TAFA1: variants seen among roughly 807,000 people sequenced by gnomAD.
TAFA1 encodes the protein TAFA chemokine like family member 1, also known as chemokine-like protein TAFA-1.
TAFA1 carries 4 observed loss-of-function variants against 18.5 expected under a neutral mutation model. That is an observed-to-expected ratio of 0.22 (90% confidence interval 0.11 to 0.49). The LOEUF (loss-of-function observed/expected upper bound fraction) is 0.49. TAFA1 is among the 20% of genes least tolerant of loss of function. The pLI, the probability that TAFA1 is intolerant of heterozygous loss-of-function variation, is 0.98. For synonymous variants in TAFA1, 56 were observed against 55.2 expected (o/e 1.01, Z -0.06); for missense variants, 147 against 169.0 (o/e 0.87, Z 0.72).
At chr3:68,133,090 A>T (rs1446277639) in intron 2 of TAFA1, among the ~76,000 whole-genome samples, 1 of 152,186 alleles carries the variant, frequency 6.6e-6, no homozygotes, top group Non-Finnish European at 1.5e-5. Flanking sequence ...GCATATGGCT[A>T]GCCACTTTTC....
chr3:68,032,292 A>T (rs1242783571), intron 2 of TAFA1, among the ~76,000 whole-genome samples: 1 of 152,188 alleles, frequency 6.6e-6, no homozygotes, highest in Non-Finnish European at 1.5e-5. Flanking sequence ...TGTGAAAGAA[A>T]TGTACTAAAA....
chr3:68,091,451 A>G (rs1010266199), intron 2 of TAFA1, among the ~76,000 whole-genome samples: 1 of 152,160 alleles, frequency 6.6e-6, no homozygotes, highest in African/African-American at 2.4e-5. Flanking sequence ...AATTATCAGT[A>G]TCTGACTTGA....
intron 2 of TAFA1, among the ~76,000 whole-genome samples, chr3:68,235,729 C>T (rs952741686): frequency 6.6e-6 from 1 of 152,018 alleles, no homozygotes; most frequent in African/African-American, 2.4e-5. Context: ...AGACCTGGAA[C>T]CTTGGTACAT....
At chr3:68,068,572 A>C (rs35196748) in intron 2 of TAFA1, among the ~76,000 whole-genome samples, 1 of 152,220 alleles carries the variant, frequency 6.6e-6, no homozygotes, top group Non-Finnish European at 1.5e-5. Context: ...AAATAAAAAT[A>C]TATCTGTATT....
At chr3:68,347,773 C>G (rs1480250980) in intron 2 of TAFA1, among the ~76,000 whole-genome samples, 1 of 152,208 alleles carries the variant, frequency 6.6e-6, no homozygotes, top group Non-Finnish European at 1.5e-5. Context: ...ATCATATATT[C>G]TAGCAACAGT....
chr3:68,408,900 C>T (rs2070661306), intron 2 of TAFA1, among the ~76,000 whole-genome samples: 1 of 152,072 alleles, frequency 6.6e-6, no homozygotes, highest in South Asian at 2.1e-4. Flanking sequence ...TATTTACATA[C>T]CAAACAAGTG....
chr3:68,195,092 T>C (rs2066394891), intron 2 of TAFA1, among the ~76,000 whole-genome samples: 1 of 151,616 alleles, frequency 6.6e-6, no homozygotes. Context: ...GCTGAATGTA[T>C]GCTTGAAGAG....
At chr3:68,540,152 A>C (rs1281884055) in intron 4 of TAFA1, among the ~76,000 whole-genome samples, 3 of 152,066 alleles carry the variant, frequency 2.0e-5, no homozygotes, top group African/African-American at 7.2e-5. Flanking sequence ...ACTATATAAA[A>C]CTTATTTTTC....
chr3:68,074,415 C>T (rs1489006229), intron 2 of TAFA1, among the ~76,000 whole-genome samples: 1 of 152,170 alleles, frequency 6.6e-6, no homozygotes, highest in African/African-American at 2.4e-5. Context: ...CTCTGATGCT[C>T]AAGTTCAAAT....
intron 2 of TAFA1, among the ~76,000 whole-genome samples, chr3:68,237,453 C>T (rs1357977499): frequency 6.6e-6 from 1 of 152,170 alleles, no homozygotes; most frequent in Non-Finnish European, 1.5e-5. Context: ...CAATAACATT[C>T]ACTGCTGATG....
chr3:68,479,566 C>T (rs1160727739), intron 3 of TAFA1, among the ~76,000 whole-genome samples: 2 of 151,966 alleles, frequency 1.3e-5, no homozygotes, highest in African/African-American at 4.8e-5. Flanking sequence ...TATTTTCTTC[C>T]TATTAAAGCA....
chr3:68,533,787 C>T (rs530261164), intron 3 of TAFA1, among the ~76,000 whole-genome samples: 8 of 152,196 alleles, frequency 5.3e-5, no homozygotes, highest in Admixed American at 5.2e-4. Context: ...CTATCTTGCA[C>T]TTATCTGTTT....
At chr3:68,260,155 T>G (rs561621988) in intron 2 of TAFA1, among the ~76,000 whole-genome samples, 31 of 152,312 alleles carry the variant, frequency 2.0e-4, no homozygotes, top group Admixed American at 3.3e-4. Flanking sequence ...GAAGCGTTGT[T>G]GAATTTTGTC....
chr3:68,421,553 G>C (rs1373490629), intron 3 of TAFA1, among the ~76,000 whole-genome samples: 2 of 152,000 alleles, frequency 1.3e-5, no homozygotes, highest in African/African-American at 4.8e-5. Context: ...CTGATAGAAT[G>C]ACATTTTTGA....
chr3:68,525,998 A>T (rs2073106838), intron 3 of TAFA1, among the ~76,000 whole-genome samples: 1 of 152,204 alleles, frequency 6.6e-6, no homozygotes. Context: ...CACCTATGAC[A>T]GCTTAATAAA....
chr3:68,513,291 G>A (rs1045497686), intron 3 of TAFA1, among the ~76,000 whole-genome samples: 45 of 152,104 alleles, frequency 3.0e-4, no homozygotes, highest in African/African-American at 9.2e-4. Flanking sequence ...AGAATGATCT[G>A]CTGTACCAGA....
chr3:68,049,456 G>A (rs753294316), intron 2 of TAFA1, among the ~76,000 whole-genome samples: 1 of 151,940 alleles, frequency 6.6e-6, no homozygotes, highest in Non-Finnish European at 1.5e-5. Flanking sequence ...AAAAGAGAGT[G>A]ATTATTTGTT....
intron 2 of TAFA1, among the ~76,000 whole-genome samples, chr3:68,171,626 G>A (rs1048330503): frequency 4.6e-5 from 7 of 152,182 alleles, no homozygotes; most frequent in African/African-American, 1.7e-4. Context: ...GATGTATGTT[G>A]GACTTACTAT....
intron 2 of TAFA1, among the ~76,000 whole-genome samples, chr3:68,162,446 C>T (rs1376085471): frequency 6.6e-6 from 1 of 152,152 alleles, no homozygotes; most frequent in Non-Finnish European, 1.5e-5. Context: ...TGACATGAGG[C>T]AGAGCTCAGG....
Sources: gnomAD v4.1 joint callset for allele counts (sites outside exome capture counted in the v4.1 genomes callset) on GRCh38, gnomAD v4.1.1 for gene constraint, MANE v1.5 for transcripts, NCBI Gene and HGNC (gene_info 2026-07-23, HGNC 2026-07-21) for gene names.